The following MMAA variants were observed in gnomAD, a reference collection of about 807,000 sequenced individuals.
MMAA encodes methylmalonic aciduria type A protein, mitochondrial.
In MMAA, 41 loss-of-function variants were observed where a neutral mutation model predicts 45.0. The ratio of observed to expected loss-of-function variants is 0.91; its 90% confidence interval spans 0.71 to 1.18. The LOEUF (loss-of-function observed/expected upper bound fraction) is 1.18, where lower values mean the gene tolerates loss of function less well. Among genes scored for constraint, MMAA ranks in the 50% most tolerant of loss-of-function variants. MMAA has a pLI of 0.00. For missense variants in MMAA, 460 were observed against 495.7 expected (o/e 0.93, Z 0.68); for synonymous variants, 154 against 178.2 (o/e 0.86, Z 1.08).
chr4:145,632,784 G>A (rs1179509626), intron 1 of MMAA, among the ~76,000 whole-genome samples: 3 of 150,738 alleles, frequency 2.0e-5, no homozygotes, highest in Non-Finnish European at 2.9e-5. Flanking sequence ...TGAGACAGGG[G>A]TCTTGCTCTG....
chr4:145,656,166 T>C lies in MMAA; in HGVS notation c.*732T>C, dbSNP rs142549499. The C allele has an allele frequency of 5.4e-4, 82 of 152,326 alleles. No individual in the cohort carries two copies. Among genetic ancestry groups the C allele is most frequent in the African/African-American group, 2.0e-3 (82 of 41,570 alleles). 9.4% of individuals were successfully genotyped at this position (152,326 alleles called of 1,614,324 possible). On this transcript the variant is annotated 3_prime_UTR_variant, in exon 7 of 7. Coordinates refer to ENST00000649156, the MANE Select transcript of MMAA (RefSeq NM_172250.3). ...AAAAGACAAAGTGAGGTCAGAATGA[T>C]TCAAGGATTATTCAGTTTGAAGACT...
chr4:145,619,849 A>G (rs1734055539), intron 1 of MMAA, among the ~76,000 whole-genome samples: 1 of 152,140 alleles, frequency 6.6e-6, no homozygotes, highest in African/African-American at 2.4e-5. Flanking sequence ...TGGGAAATCA[A>G]ATCCAGGATA....
rs565742386 is a variant in MMAA at position 145,655,260 on chromosome 4, G to A, written c.1083G>A (p.Lys361=). 16 of 1,614,184 alleles carry A rather than the reference G, an allele frequency of 9.9e-6. No homozygotes were observed. In the African/African-American group the frequency reaches 2.1e-4, roughly 22 times the overall value. Residue 361 remains lysine, a synonymous_variant, in exon 7 of 7, where the codon AAG becomes AAA. Coordinates refer to ENST00000649156, the MANE Select transcript of MMAA (RefSeq NM_172250.3). The part of the protein sequence containing the change: ...ASGELTAKRR[K]QQKVWMWNLI... ...GGGAGCTGACTGCCAAACGACGGAA[G>A]CAACAGAAAGTTTGGATGTGGAATC...
intron 5 of MMAA, among the ~76,000 whole-genome samples, 167 bp downstream of exon 5, chr4:145,651,314 C>T (rs1042658064): frequency 4.6e-5 from 7 of 152,070 alleles, no homozygotes; most frequent in African/African-American, 1.7e-4. Flanking sequence ...TATATTTTTT[C>T]CTAACTTACA....
At chr4:145,648,437 C>T (rs1407410795) in intron 4 of MMAA, among the ~76,000 whole-genome samples, 1 of 152,140 alleles carries the variant, frequency 6.6e-6, no homozygotes, top group African/African-American at 2.4e-5. Context: ...TGAGCTACCG[C>T]ACCCGGCCTA....
rs3796650 is a variant in MMAA, at chr4:145,650,208, G to A, written c.734-854G>A. Among the ~76,000 whole-genome samples the A allele has an allele frequency of 4.1e-4, 63 of 152,206 alleles. 1 individual carries two copies. In the East Asian group the frequency reaches 0.01, roughly 25 times the overall value. ...TTGAGCACAATTTATGTATTGTGCC[G>A]GGGGGCAAGAGCCTGTAGATAAATG... On this transcript the variant is annotated intron_variant, in intron 4 of 6. Transcript: ENST00000649156.
At chr4:145,626,387 A>G (rs1734206559) in intron 1 of MMAA, among the ~76,000 whole-genome samples, 1 of 152,196 alleles carries the variant, frequency 6.6e-6, no homozygotes, top group African/African-American at 2.4e-5. Flanking sequence ...TCATGGGGTT[A>G]AATATGTTAT....
chr4:145,624,813 A>G (rs576833542), intron 1 of MMAA: 4 of 1,604,820 alleles, frequency 2.5e-6, no homozygotes, highest in Admixed American at 3.4e-5. Flanking sequence ...GGCTCTGCAC[A>G]CCTCCTCTAC....
intron 5 of MMAA, among the ~76,000 whole-genome samples, chr4:145,652,682 A>G (rs1215237550): frequency 6.6e-6 from 1 of 151,868 alleles, no homozygotes; most frequent in Non-Finnish European, 1.5e-5. Flanking sequence ...GTGAGCCAAG[A>G]TCGCACCACT....
At chr4:145,630,601 G>A (rs574443844) in intron 1 of MMAA, among the ~76,000 whole-genome samples, 53 of 152,252 alleles carry the variant, frequency 3.5e-4, no homozygotes, top group Non-Finnish European at 6.3e-4. Flanking sequence ...GGCGGCACAT[G>A]CCTGTAATCC....
chr4:145,640,551 C>G (rs1727754690), intron 2 of MMAA, among the ~76,000 whole-genome samples: 1 of 151,928 alleles, frequency 6.6e-6, no homozygotes. Context: ...GATGGGGTCT[C>G]ATTATGTTGC....
In MMAA at chr4:145,659,011, C is replaced by CA. The variant is rs1171871051; in HGVS notation, c.*3578dup. ...TGCCATTGTAATTCAGGTAGAGTGT[C>CA]AGAGTGGTGGCTGGCACCAACGGTA... On this transcript the variant is annotated 3_prime_UTR_variant, in exon 7 of 7. Transcript: ENST00000649156. The CA allele has an allele frequency of 6.6e-6, 1 of 152,176 alleles. No individual in the cohort carries two copies. The allele number at this position is 152,176 out of a possible 1,614,324, so 9.4% of individuals were successfully genotyped here.
At chr4:145,628,782 AAGC>A (rs1418412903) in intron 1 of MMAA, among the ~76,000 whole-genome samples, 1 of 152,208 alleles carries the variant, frequency 6.6e-6, no homozygotes, top group Non-Finnish European at 1.5e-5. Context: ...GTTTTTAAAA[AAGC>A]AGAAATATGT....
intron 1 of MMAA, among the ~76,000 whole-genome samples, chr4:145,630,781 G>T (rs1245076700): frequency 6.6e-6 from 1 of 152,028 alleles, no homozygotes; most frequent in Non-Finnish European, 1.5e-5. Context: ...TTTAATGTAG[G>T]CACGTATAGC....
intron 1 of MMAA, among the ~76,000 whole-genome samples, chr4:145,620,332 C>T (rs557772438): frequency 2.0e-5 from 3 of 152,188 alleles, no homozygotes; most frequent in East Asian, 3.9e-4. Flanking sequence ...ATGTAAATCA[C>T]CATTTGAGAT....
chr4:145,652,901 A>G (rs2126628427), intron 5 of MMAA, among the ~76,000 whole-genome samples: 1 of 151,552 alleles, frequency 6.6e-6, no homozygotes, highest in African/African-American at 2.4e-5. Flanking sequence ...ACAGGGTCTC[A>G]CTCTGTTTCC....
In MMAA at chr4:145,655,622, A is replaced by G. The variant is rs886059091; in HGVS notation, c.*188A>G. 655 of 572,634 alleles carry G rather than the reference A, an allele frequency of 1.1e-3. 9 individuals carry two copies. Among genetic ancestry groups the G allele is most frequent in the Non-Finnish European group, 2.3e-4 (78 of 332,048 alleles). 35.5% of individuals were successfully genotyped at this position (572,634 alleles called of 1,614,324 possible). On this transcript the variant is annotated 3_prime_UTR_variant, in exon 7 of 7. Coordinates refer to ENST00000649156, the MANE Select transcript of MMAA (RefSeq NM_172250.3). ...AAAAGTTAGGCAGTATTTATAAGGT[A>G]CCTGTTTTATGTTACTGATATCTGT...
Position 145,657,313 on chromosome 4 carries a change from A to G in MMAA, c.*1879A>G, listed in dbSNP as rs1200579160. On this transcript the variant is annotated 3_prime_UTR_variant, in exon 7 of 7. Coordinates refer to ENST00000649156, the MANE Select transcript of MMAA (RefSeq NM_172250.3). ...TTGTATAGAGACCAATTTCTAAGAG[A>G]TTTTTTCACCTCTGTTTCTGTTATT... The G allele has an allele frequency of 6.6e-6, 1 of 151,936 alleles. No individual in the cohort carries two copies. The highest frequency in any genetic ancestry group is 1.5e-5 in the Non-Finnish European group (1 of 67,994). The allele number at this position is 151,936 out of a possible 1,614,324, so 9.4% of individuals were successfully genotyped here. A position where few individuals can be genotyped will look rare whatever the true frequency, so the allele number is the denominator to read the frequency against.
chr4:145,649,859 C>T (rs1317690871), intron 4 of MMAA, among the ~76,000 whole-genome samples: 1 of 152,030 alleles, frequency 6.6e-6, no homozygotes, highest in Non-Finnish European at 1.5e-5. Context: ...GCAGCCTCAA[C>T]CTCCCAGGCT....
Sources: gnomAD v4.1 joint callset for allele counts (sites outside exome capture counted in the v4.1 genomes callset) on GRCh38, gnomAD v4.1.1 for gene constraint, MANE v1.5 for transcripts, NCBI Gene and HGNC (gene_info 2026-07-23, HGNC 2026-07-21) for gene names.